The following ROBO1 variants were observed in gnomAD, a reference collection of about 807,000 sequenced individuals.
ROBO1 encodes roundabout guidance receptor 1.
A neutral mutation model predicts 195.9 loss-of-function variants in ROBO1; 149 were observed. That is an observed-to-expected ratio of 0.76 (90% CI 0.67 to 0.87). The LOEUF is 0.87. Among genes scored for constraint, ROBO1 ranks in the 40% least tolerant of loss-of-function variants. The pLI is 0.00. For missense variants in ROBO1, 1,933 were observed against 2,068.3 expected (o/e 0.93, Z 1.27); for synonymous variants, 816 against 733.2 (o/e 1.11, Z -1.82).
At chr3:78,996,429 C>A (rs1324357798) in intron 3 of ROBO1, among the ~76,000 whole-genome samples, 1 of 151,920 alleles carries the variant, frequency 6.6e-6, no homozygotes, top group African/African-American at 2.4e-5. Flanking sequence ...TACCTCCAAA[C>A]CTTTGTACTT....
At chr3:78,812,570 A>G (rs971994982) in intron 4 of ROBO1, among the ~76,000 whole-genome samples, 6 of 152,090 alleles carry the variant, frequency 3.9e-5, no homozygotes, top group Admixed American at 1.3e-4. Context: ...GGAATTCCTT[A>G]TCCCCTCTTC....
Position 78,958,729 on chromosome 3 carries a change from C to G in ROBO1, c.173-19802G>C, listed in dbSNP as rs559781819. Among the ~76,000 whole-genome samples the G allele has an allele frequency of 2.1e-4, 32 of 152,224 alleles. No homozygotes were observed. The South Asian group carries it at 6.4e-3, about 31-fold the overall frequency. ...CATCCCAGTTTAACCAGGACCGTCC[C>G]AGTTTAACCAGGATCATCCCAGTTT... On this transcript the variant is annotated intron_variant, in intron 3 of 30. Coordinates refer to ENST00000464233, the MANE Select transcript of ROBO1 (RefSeq NM_002941.4).
intron 2 of ROBO1, among the ~76,000 whole-genome samples, chr3:79,202,501 C>T (rs2081785196): frequency 6.6e-6 from 1 of 151,598 alleles, no homozygotes; most frequent in African/African-American, 2.4e-5. Context: ...GAACAAACTG[C>T]CCATGAACAA....
chr3:79,478,850 T>C (rs975268439), intron 2 of ROBO1, among the ~76,000 whole-genome samples: 2 of 152,142 alleles, frequency 1.3e-5, no homozygotes, highest in Non-Finnish European at 2.9e-5. Flanking sequence ...AAACTTGAGA[T>C]TTTTTAACTG....
At chr3:78,835,302 G>C (rs2032608569) in intron 4 of ROBO1, among the ~76,000 whole-genome samples, 1 of 152,094 alleles carries the variant, frequency 6.6e-6, no homozygotes, top group Non-Finnish European at 1.5e-5. Context: ...CAGTAGAAAA[G>C]TAAATTATCC....
At chr3:78,666,102 G>T (rs1004639234) in intron 14 of ROBO1, among the ~76,000 whole-genome samples, 22 of 152,026 alleles carry the variant, frequency 1.4e-4, no homozygotes, top group Non-Finnish European at 2.6e-4. Flanking sequence ...GCTCACTTTT[G>T]CTCGGCACCT....
chr3:79,556,928 ATTTTTAT>A (rs1439507614), intron 2 of ROBO1, among the ~76,000 whole-genome samples: 1 of 150,100 alleles, frequency 6.7e-6, no homozygotes, highest in African/African-American at 2.4e-5. Flanking sequence ...TTTTTACTTT[ATTTTTAT>A]TTTTTATCTC....
intron 1 of ROBO1, among the ~76,000 whole-genome samples, chr3:79,754,217 A>G (rs1704266282): frequency 6.6e-6 from 1 of 152,222 alleles, no homozygotes; most frequent in Non-Finnish European, 1.5e-5. Context: ...GAAGATAAGC[A>G]GTGATTATTC....
chr3:79,416,378 A>T (rs1224151477), intron 2 of ROBO1, among the ~76,000 whole-genome samples: 1 of 151,424 alleles, frequency 6.6e-6, no homozygotes, highest in Non-Finnish European at 1.5e-5. Flanking sequence ...CTGAGGCAAG[A>T]GGATAGCTTG....
chr3:79,712,120 A>C (rs534501703), intron 1 of ROBO1, among the ~76,000 whole-genome samples: 28 of 152,260 alleles, frequency 1.8e-4, no homozygotes, highest in African/African-American at 6.5e-4. Flanking sequence ...AAAGACCTCT[A>C]AAATGTTTAA....
At chr3:79,282,858 GATA>G (rs1477741302) in intron 2 of ROBO1, among the ~76,000 whole-genome samples, 1 of 151,986 alleles carries the variant, frequency 6.6e-6, no homozygotes, top group Non-Finnish European at 1.5e-5. Flanking sequence ...CTGAGCAAAG[GATA>G]ATATTATTAA....
chr3:78,946,087 G>A (rs975533400), intron 3 of ROBO1, among the ~76,000 whole-genome samples: 13 of 152,250 alleles, frequency 8.5e-5, no homozygotes, highest in Middle Eastern at 3.4e-3. Flanking sequence ...AACCAAGTTG[G>A]AAAACACTCT....
At position 79,370,190 on chromosome 3, in the gene ROBO1, A is replaced by G. The variant is rs190454976; in HGVS notation, c.88+219634T>C. On this transcript the variant is annotated intron_variant, in intron 2 of 30. Coordinates refer to ENST00000464233, the MANE Select transcript of ROBO1 (RefSeq NM_002941.4). Reference sequence around the variant, plus strand: ...GGCAACATGGTGAAACCTCGTCTCTATTAAAAATTGGAAAAAAAAAAAAGC... The same window carrying G: ...GGCAACATGGTGAAACCTCGTCTCTGTTAAAAATTGGAAAAAAAAAAAAGC... 2.4e-3 allele frequency among the ~76,000 whole-genome samples: 368 copies of G among 150,392 alleles called. 2 individuals are homozygous for G. Among genetic ancestry groups the G allele is most frequent in the African/African-American group, 7.8e-3 (313 of 40,216 alleles).
At chr3:79,628,044 A>G (rs1014426862) in intron 1 of ROBO1, among the ~76,000 whole-genome samples, 9 of 152,178 alleles carry the variant, frequency 5.9e-5, no homozygotes, top group African/African-American at 2.2e-4. Flanking sequence ...TGGGAACGTA[A>G]GTTAGTTCAA....
chr3:79,494,123 G>A (rs1202264088), intron 2 of ROBO1, among the ~76,000 whole-genome samples: 2 of 152,084 alleles, frequency 1.3e-5, no homozygotes, highest in African/African-American at 4.8e-5. Flanking sequence ...TGTGGACTTT[G>A]GACTGCTCCA....
chr3:79,421,448 A>G (rs1252987658), intron 2 of ROBO1, among the ~76,000 whole-genome samples: 2 of 152,006 alleles, frequency 1.3e-5, no homozygotes, highest in Non-Finnish European at 2.9e-5. Flanking sequence ...GGAGACTGCC[A>G]CAAAAGGAAT....
chr3:79,043,486 T>C (rs2078527052), intron 3 of ROBO1, among the ~76,000 whole-genome samples: 1 of 152,060 alleles, frequency 6.6e-6, no homozygotes, highest in Non-Finnish European at 1.5e-5. Flanking sequence ...TGGTTTAAGC[T>C]TAGGGTAATC....
chr3:78,745,458 T>C (rs965628733), intron 5 of ROBO1, among the ~76,000 whole-genome samples: 1 of 152,108 alleles, frequency 6.6e-6, no homozygotes, highest in Non-Finnish European at 1.5e-5. Context: ...ATAATGGTCA[T>C]TAAATGATCT....
At chr3:79,666,813 T>C (rs1026289630) in intron 1 of ROBO1, among the ~76,000 whole-genome samples, 7 of 151,950 alleles carry the variant, frequency 4.6e-5, no homozygotes, top group Non-Finnish European at 1.0e-4. Context: ...TGATTTTAGA[T>C]AACTTGAATT....
Sources: gnomAD v4.1 joint callset for allele counts (sites outside exome capture counted in the v4.1 genomes callset) on GRCh38, gnomAD v4.1.1 for gene constraint, MANE v1.5 for transcripts, NCBI Gene and HGNC (gene_info 2026-07-23, HGNC 2026-07-21) for gene names.